TRPM6: variants seen among roughly 807,000 people sequenced by gnomAD.
TRPM6 encodes transient receptor potential cation channel subfamily M member 6.
TRPM6 carries 111 observed loss-of-function variants against 247.6 expected under a neutral mutation model. The ratio of observed to expected loss-of-function variants is 0.45; its 90% CI spans 0.38 to 0.52. TRPM6 has a LOEUF of 0.52. TRPM6 is among the 20% of genes least tolerant of loss of function. TRPM6 has a pLI of 0.00. For synonymous variants in TRPM6, 892 were observed against 853.8 expected (o/e 1.04, Z -0.78); for missense variants, 2,126 against 2,421.5 (o/e 0.88, Z 2.56).
At chr9:74,796,590 T>C (rs952964124) in intron 18 of TRPM6, 151 bp downstream of exon 18, 2 of 722,708 alleles carry the variant, frequency 2.8e-6, no homozygotes, top group Admixed American at 2.4e-5. Flanking sequence ...TTTAAAATAA[T>C]GTACCCCAGG....
intron 13 of TRPM6, 150 bp from the exon 14 acceptor site, chr9:74,808,324 A>C: frequency 1.0e-6 from 1 of 973,298 alleles, no homozygotes; most frequent in Non-Finnish European, 1.6e-6. Flanking sequence ...GTGACCAGCC[A>C]TTGATACAAT....
rs1415539029 is a variant in TRPM6 at position 74,728,276 on chromosome 9, A to T, written c.5898T>A (p.His1966Gln). The T allele has an allele frequency of 6.2e-7, 1 of 1,614,050 alleles. No homozygotes were observed. The highest frequency in any genetic ancestry group is 8.5e-7 in the Non-Finnish European group (1 of 1,180,022). Reference protein sequence around the residue: ...EDAIRNFIAKHHCNSCCRKLK... With the variant: ...EDAIRNFIAKQHCNSCCRKLK... ...GCTTCCGGCAGCAGGAGTTACAATG[A>T]TGTTTTGCAATGAAGTTTCTAATTG... The change falls in exon 38 of 39, where the codon CAT becomes CAA. Residue 1966 changes from histidine (H) to glutamine (Q), a missense_variant. Physicochemically the swap from His to Gln is conservative, Grantham distance 24. This residue lies in a region of TRPM6 where 327 missense variants were observed against 397.7 expected (regional missense o/e 0.82). Coordinates refer to ENST00000360774, the MANE Select transcript of TRPM6 (RefSeq NM_017662.5).
chr9:74,792,302 G>A (rs1019268381), intron 19 of TRPM6, among the ~76,000 whole-genome samples: 3 of 152,100 alleles, frequency 2.0e-5, no homozygotes, highest in Admixed American at 1.3e-4. Flanking sequence ...GAAACTTCTC[G>A]CTCAGAGTTT....
At chr9:74,733,956 T>C (rs1306952289) in intron 36 of TRPM6, among the ~76,000 whole-genome samples, 1 of 152,206 alleles carries the variant, frequency 6.6e-6, no homozygotes, top group Non-Finnish European at 1.5e-5. Context: ...GTTGTGAAAA[T>C]TCTTTGAGAT....
chr9:74,820,080 T>C (rs531053611), intron 9 of TRPM6, among the ~76,000 whole-genome samples: 3 of 152,316 alleles, frequency 2.0e-5, no homozygotes, highest in African/African-American at 7.2e-5. Flanking sequence ...ATGTGTGCCA[T>C]GGTGGTTTGC....
chr9:74,738,890 G>A (rs1013565944), intron 35 of TRPM6, among the ~76,000 whole-genome samples: 3 of 152,164 alleles, frequency 2.0e-5, no homozygotes, highest in Non-Finnish European at 2.9e-5. Context: ...CCTTGTAAAT[G>A]AAAGAATGAA....
At position 74,813,953 on chromosome 9, in the gene TRPM6, C is replaced by T. The variant is rs530988976; in HGVS notation, c.1309-1520G>A. On this transcript the variant is annotated intron_variant, in intron 11 of 38. Transcript: ENST00000360774. Reference sequence around the variant, plus strand: ...CTCTACTAAAAATACAAAAATTAGCCAGGTGTGGTGGCAGGAACCTGTAAT... The same window carrying T: ...CTCTACTAAAAATACAAAAATTAGCTAGGTGTGGTGGCAGGAACCTGTAAT... 5.3e-5 allele frequency among the ~76,000 whole-genome samples: 8 copies of T among 152,158 alleles called. No homozygotes were observed. The East Asian group carries it at 1.5e-3, about 29-fold the overall frequency.
At chr9:74,737,442 A>C (rs1454824046) in intron 36 of TRPM6, 6 of 1,289,764 alleles carry the variant, frequency 4.7e-6, no homozygotes, top group Non-Finnish European at 6.1e-6. Flanking sequence ...GAATCCCAGA[A>C]CCAGAGAGCT....
intron 7 of TRPM6, among the ~76,000 whole-genome samples, chr9:74,825,602 A>G (rs1177958383): frequency 6.6e-6 from 1 of 152,112 alleles, no homozygotes; most frequent in Admixed American, 6.6e-5. Context: ...GCCTCCAGAT[A>G]AATCCTAGGT....
intron 19 of TRPM6, among the ~76,000 whole-genome samples, chr9:74,791,840 CTG>C (rs1827911388): frequency 6.6e-6 from 1 of 152,158 alleles, no homozygotes; most frequent in African/African-American, 2.4e-5. Context: ...ACTGCAGGCT[CTG>C]CCCCCTGGGG....
intron 1 of TRPM6, 66 bp from the exon 2 acceptor site, chr9:74,858,814 C>G: frequency 7.6e-7 from 1 of 1,317,202 alleles, no homozygotes; most frequent in East Asian, 2.4e-5. Flanking sequence ...CATAGTAGTT[C>G]CTGCAGGTAA....
rs146068658 is a variant in TRPM6, at chr9:74,738,880, C to A, written c.5571-268G>T. Reference sequence around the variant, plus strand: ...TCTTCTTGCTGTGCTCTATAAAGTTCCTTGTAAATGAAAGAATGAAGCTTT... The same window carrying A: ...TCTTCTTGCTGTGCTCTATAAAGTTACTTGTAAATGAAAGAATGAAGCTTT... On this transcript the variant is annotated intron_variant, in intron 35 of 38. Coordinates refer to ENST00000360774, the MANE Select transcript of TRPM6 (RefSeq NM_017662.5). Among the ~76,000 whole-genome samples the A allele has an allele frequency of 9.4e-3, 1,430 of 152,228 alleles. 14 individuals carry two copies. The highest frequency in any genetic ancestry group is 0.033 in the African/African-American group (1,365 of 41,520).
chr9:74,764,966 A>T (rs191780143), intron 25 of TRPM6, among the ~76,000 whole-genome samples: 62 of 152,316 alleles, frequency 4.1e-4, no homozygotes, highest in Non-Finnish European at 6.6e-4. Context: ...AAATTAAGAT[A>T]ATAATGAGTT....
At chr9:74,764,332 T>G (rs2118850599) in intron 25 of TRPM6, among the ~76,000 whole-genome samples, 1 of 152,278 alleles carries the variant, frequency 6.6e-6, no homozygotes, top group Admixed American at 6.5e-5. Flanking sequence ...AATGTGATCA[T>G]CAGGCTGAAT....
chr9:74,758,110 C>A (rs997867072), intron 27 of TRPM6, among the ~76,000 whole-genome samples: 6 of 152,044 alleles, frequency 3.9e-5, no homozygotes, highest in African/African-American at 1.4e-4. Flanking sequence ...ATTACATAAC[C>A]TAAATAGCTC....
chr9:74,885,086 A>G (rs73538234), intron 1 of TRPM6, among the ~76,000 whole-genome samples: 3,234 of 152,304 alleles, frequency 0.021, 133 homozygotes, highest in African/African-American at 0.075. Flanking sequence ...TAGACAACTA[A>G]CAAAGAACTT....
At chr9:74,733,240 G>A (rs975235365) in intron 36 of TRPM6, among the ~76,000 whole-genome samples, 1 of 150,806 alleles carries the variant, frequency 6.6e-6, no homozygotes, top group African/African-American at 2.4e-5. Flanking sequence ...ATCTGTACTT[G>A]TACCCCCAAA....
At chr9:74,804,022 TTG>T (rs1828441660) in intron 14 of TRPM6, 136 bp from the exon 15 acceptor site, 2 of 707,066 alleles carry the variant, frequency 2.8e-6, no homozygotes, top group Admixed American at 2.1e-5. Flanking sequence ...AAATATAATG[TTG>T]TGTCCTACCA....
intron 19 of TRPM6, among the ~76,000 whole-genome samples, chr9:74,791,040 TG>T (rs1359781872): frequency 2.6e-5 from 4 of 152,230 alleles, no homozygotes; most frequent in African/African-American, 9.6e-5. Flanking sequence ...CAGATCTGGC[TG>T]GTTTTGTGCT....
Sources: gnomAD v4.1 joint callset for allele counts (sites outside exome capture counted in the v4.1 genomes callset) on GRCh38, gnomAD v4.1.1 for gene constraint, gnomAD v4.1.1 regional missense constraint, MANE v1.5 for transcripts, NCBI Gene and HGNC (gene_info 2026-07-23, HGNC 2026-07-21) for gene names.